The following CYP7B1 variants were observed in gnomAD, a reference collection of about 807,000 sequenced individuals.
CYP7B1 encodes cytochrome P450 7B1.
CYP7B1 carries 29 observed loss-of-function variants against 42.7 expected under a neutral mutation model. The ratio of observed to expected loss-of-function variants is 0.68; its 90% confidence interval spans 0.51 to 0.93. The LOEUF (loss-of-function observed/expected upper bound fraction) is 0.93. Ranked by LOEUF, CYP7B1 falls within the 40% of genes least tolerant of loss-of-function variation. CYP7B1 has a pLI of 0.00. For synonymous variants in CYP7B1, 235 were observed against 218.2 expected (o/e 1.08, Z -0.68); for missense variants, 655 against 600.5 (o/e 1.09, Z -0.95).
chr8:64,757,686 A>C lies in CYP7B1; in HGVS notation c.122+40780T>G, dbSNP rs140676470. On this transcript the variant is annotated intron_variant, in intron 1 of 5. Coordinates refer to ENST00000310193, the MANE Select transcript of CYP7B1 (RefSeq NM_004820.5). Reference sequence around the variant, plus strand: ...CAGCTTCACTCAGGTGCAACTTGGCAGTACCTCACCTCTGATCTGCATTGC... The same window carrying C: ...CAGCTTCACTCAGGTGCAACTTGGCCGTACCTCACCTCTGATCTGCATTGC... Among the ~76,000 whole-genome samples, 29 of 152,342 alleles carry C rather than the reference A, an allele frequency of 1.9e-4. 2 individuals are homozygous for C. The East Asian group carries it at 3.1e-3, about 16-fold the overall frequency.
intron 2 of CYP7B1, among the ~76,000 whole-genome samples, chr8:64,620,867 G>A (rs1188165962): frequency 6.6e-6 from 1 of 152,080 alleles, no homozygotes; most frequent in African/African-American, 2.4e-5. Flanking sequence ...CAAGCTTCTT[G>A]GTACCTAAGA....
At chr8:64,709,397 G>A (rs923422082) in intron 1 of CYP7B1, among the ~76,000 whole-genome samples, 6 of 152,132 alleles carry the variant, frequency 3.9e-5, no homozygotes, top group Non-Finnish European at 7.4e-5. Flanking sequence ...TCTCCCCACT[G>A]CATAAAAACT....
At chr8:64,675,217 C>T (rs1806427554) in intron 1 of CYP7B1, among the ~76,000 whole-genome samples, 1 of 151,990 alleles carries the variant, frequency 6.6e-6, no homozygotes, top group South Asian at 2.1e-4. Context: ...GTAATTCATT[C>T]CTCCTAACCT....
chr8:64,753,536 G>A (rs1306093619), intron 1 of CYP7B1, among the ~76,000 whole-genome samples: 6 of 152,314 alleles, frequency 3.9e-5, no homozygotes, highest in Middle Eastern at 3.4e-3. Flanking sequence ...CTGGGATTGA[G>A]GTATGCCCAT....
At chr8:64,712,544 A>T (rs1807096517) in intron 1 of CYP7B1, among the ~76,000 whole-genome samples, 1 of 152,012 alleles carries the variant, frequency 6.6e-6, no homozygotes, top group Non-Finnish European at 1.5e-5. Flanking sequence ...TTGTAGCTCC[A>T]GTTGTGAAAC....
intron 5 of CYP7B1, among the ~76,000 whole-genome samples, chr8:64,603,527 C>T (rs369105075): frequency 6.6e-6 from 1 of 151,942 alleles, no homozygotes; most frequent in East Asian, 1.9e-4. Context: ...AAATATTTTC[C>T]AGATATTGGC....
intron 4 of CYP7B1, among the ~76,000 whole-genome samples, chr8:64,610,525 C>A (rs1805348269): frequency 6.6e-6 from 1 of 152,094 alleles, no homozygotes; most frequent in South Asian, 2.1e-4. Flanking sequence ...CACCCATAAT[C>A]TTTACAAACA....
At chr8:64,658,606 T>C (rs561536516) in intron 1 of CYP7B1, among the ~76,000 whole-genome samples, 3 of 152,320 alleles carry the variant, frequency 2.0e-5, no homozygotes, top group East Asian at 1.9e-4. Flanking sequence ...ATCTGAGAGT[T>C]CCTTTACTGT....
intron 1 of CYP7B1, among the ~76,000 whole-genome samples, chr8:64,778,825 T>A (rs556972328): frequency 1.3e-5 from 2 of 152,174 alleles, no homozygotes; most frequent in East Asian, 3.9e-4. Context: ...GCATCTGACA[T>A]AGGGCAGTCT....
At chr8:64,747,542 C>T (rs1807662614) in intron 1 of CYP7B1, among the ~76,000 whole-genome samples, 1 of 151,456 alleles carries the variant, frequency 6.6e-6, no homozygotes, top group Admixed American at 6.6e-5. Context: ...AAAGCAAATG[C>T]TATTGAAAAA....
chr8:64,692,122 A>G (rs1391588405), intron 1 of CYP7B1, among the ~76,000 whole-genome samples: 1 of 152,210 alleles, frequency 6.6e-6, no homozygotes, highest in East Asian at 1.9e-4. Flanking sequence ...AAAGAGCCAC[A>G]ATACTATCCA....
At chr8:64,701,535 G>A (rs1806916305) in intron 1 of CYP7B1, among the ~76,000 whole-genome samples, 1 of 152,010 alleles carries the variant, frequency 6.6e-6, no homozygotes, top group South Asian at 2.1e-4. Context: ...ACCATGTGCT[G>A]ATATATTTTT....
chr8:64,796,032 AC>A (rs1804698059), intron 1 of CYP7B1, among the ~76,000 whole-genome samples: 1 of 152,214 alleles, frequency 6.6e-6, no homozygotes, highest in Admixed American at 6.5e-5. Context: ...GCATTCCTAT[AC>A]TATGCAATAT....
chr8:64,710,270 A>G (rs1807061727), intron 1 of CYP7B1, among the ~76,000 whole-genome samples: 1 of 152,108 alleles, frequency 6.6e-6, no homozygotes, highest in African/African-American at 2.4e-5. Flanking sequence ...AATTCTTTAG[A>G]GTTTGATGCC....
chr8:64,646,822 C>T (rs189640673), intron 1 of CYP7B1, among the ~76,000 whole-genome samples: 69 of 152,288 alleles, frequency 4.5e-4, no homozygotes, highest in African/African-American at 1.1e-3. Flanking sequence ...TTTATTCAGA[C>T]GGCTAAAACT....
At chr8:64,638,994 AG>A (rs1189892660) in intron 1 of CYP7B1, among the ~76,000 whole-genome samples, 1 of 152,120 alleles carries the variant, frequency 6.6e-6, no homozygotes, top group Admixed American at 6.6e-5. Flanking sequence ...ATTAAAAACA[AG>A]GGTTCTAGTG....
At chr8:64,663,472 C>A (rs747424855) in intron 1 of CYP7B1, among the ~76,000 whole-genome samples, 51 of 152,204 alleles carry the variant, frequency 3.4e-4, no homozygotes, top group Non-Finnish European at 5.9e-4. Flanking sequence ...GATGACACAG[C>A]TCCTGAAATA....
chr8:64,720,215 A>C (rs1299018837), intron 1 of CYP7B1, among the ~76,000 whole-genome samples: 1 of 152,176 alleles, frequency 6.6e-6, no homozygotes, highest in Non-Finnish European at 1.5e-5. Context: ...ACATAACAGA[A>C]TGCAAAGCTG....
At chr8:64,785,792 T>G (rs2129700887) in intron 1 of CYP7B1, among the ~76,000 whole-genome samples, 1 of 152,264 alleles carries the variant, frequency 6.6e-6, no homozygotes, top group South Asian at 2.1e-4. Flanking sequence ...ATTAGTTCAT[T>G]TTCATGCTGC....
Sources: gnomAD v4.1 joint callset for allele counts (sites outside exome capture counted in the v4.1 genomes callset) on GRCh38, gnomAD v4.1.1 for gene constraint, MANE v1.5 for transcripts, NCBI Gene and HGNC (gene_info 2026-07-23, HGNC 2026-07-21) for gene names.